The following SETBP1 variants were observed in gnomAD, a reference collection of about 807,000 sequenced individuals.
SETBP1 encodes the protein SET binding protein 1, also known as SET-binding protein.
A neutral mutation model predicts 101.0 loss-of-function variants in SETBP1; 9 were observed. The observed-to-expected ratio is 0.09, with a 90% CI of 0.05 to 0.16. The LOEUF (loss-of-function observed/expected upper bound fraction) is 0.16, where lower values mean the gene tolerates loss of function less well. Among genes scored for constraint, SETBP1 ranks in the 10% least tolerant of loss-of-function variants. The probability of loss-of-function intolerance (pLI) is 1.00; values close to 1 mark genes in which losing one functional copy is unlikely to be tolerated. For missense variants in SETBP1, 1,858 were observed against 2,033.8 expected, an observed-to-expected ratio of 0.91 and a Z score of 1.66; for synonymous variants, 818 against 788.5, an observed-to-expected ratio of 1.04 and a Z score of -0.63.
chr18:44,705,850 C>T (rs1599012448), intron 2 of SETBP1, among the ~76,000 whole-genome samples: 2 of 152,296 alleles, frequency 1.3e-5, no homozygotes, highest in East Asian at 3.9e-4. Context: ...CGTCAGGGAA[C>T]ATCACCACTT....
intron 4 of SETBP1, among the ~76,000 whole-genome samples, chr18:44,984,911 C>T (rs565388799): frequency 1.2e-4 from 18 of 152,244 alleles, no homozygotes; most frequent in East Asian, 3.9e-4. Context: ...GAGGCCAAGG[C>T]GGGCAGATCA....
intron 4 of SETBP1, among the ~76,000 whole-genome samples, chr18:45,014,821 T>C (rs1401724643): frequency 6.6e-6 from 1 of 152,170 alleles, no homozygotes; most frequent in African/African-American, 2.4e-5. Flanking sequence ...AGACTTGTTG[T>C]ATTAAATGAT....
intron 4 of SETBP1, among the ~76,000 whole-genome samples, chr18:44,958,748 G>C (rs1314036416): frequency 6.6e-6 from 1 of 152,170 alleles, no homozygotes; most frequent in Non-Finnish European, 1.5e-5. Flanking sequence ...GTGAGCTGTT[G>C]TAAAAGGTAA....
At chr18:44,803,797 G>A (rs2071664151) in intron 2 of SETBP1, among the ~76,000 whole-genome samples, 1 of 151,644 alleles carries the variant, frequency 6.6e-6, no homozygotes, top group Non-Finnish European at 1.5e-5. Flanking sequence ...TCTAAACAGG[G>A]TATATTCTTT....
rs537756390 is a variant in SETBP1 at position 44,952,010 on chromosome 18, G to A, written c.2670G>A (p.Arg890=). 1.2e-6 allele frequency: 2 copies of A among 1,614,000 alleles called. No individual in the cohort carries two copies. Among genetic ancestry groups the A allele is most frequent in the East Asian group, 2.2e-5 (1 of 44,860 alleles). ...DQAEKSSESR[R]RYSFDFCSLD... ...CGGAGAAGAGCTCAGAATCCCGAAG[G>A]AGGTACTCTTTTGATTTCTGCTCCC... is the stretch of plus-strand genomic sequence containing the variant. The change falls in exon 4 of 6, where the codon AGG becomes AGA. Residue 890 remains arginine, a synonymous_variant. Transcript: ENST00000649279.
chr18:44,886,977 T>C (rs1025233128), intron 3 of SETBP1, among the ~76,000 whole-genome samples: 3 of 152,056 alleles, frequency 2.0e-5, no homozygotes, highest in Admixed American at 1.3e-4. Context: ...GCTGAATGAA[T>C]GAGTGAAGGA....
intron 3 of SETBP1, among the ~76,000 whole-genome samples, chr18:44,948,499 T>TGATAGATAGATGGATA (rs2071261087): frequency 6.7e-6 from 1 of 149,738 alleles, no homozygotes; most frequent in Non-Finnish European, 1.5e-5. Flanking sequence ...CAAAGATAGA[T>TGATAGATAGATGGATA]GATAGATAGA....
intron 2 of SETBP1, among the ~76,000 whole-genome samples, chr18:44,711,270 C>G (rs1406011109): frequency 2.9e-5 from 4 of 138,438 alleles, no homozygotes; most frequent in East Asian, 2.3e-4. Flanking sequence ...TCCCTCTCTC[C>G]CTCCCTCCTG....
At chr18:44,831,211 A>G (rs1251341759) in intron 2 of SETBP1, among the ~76,000 whole-genome samples, 1 of 152,206 alleles carries the variant, frequency 6.6e-6, no homozygotes, top group Non-Finnish European at 1.5e-5. Context: ...TGTAGCATAG[A>G]CAGTGAGCTC....
chr18:44,841,435 C>T (rs1599205852), intron 2 of SETBP1, among the ~76,000 whole-genome samples: 1 of 152,184 alleles, frequency 6.6e-6, no homozygotes, highest in East Asian at 1.9e-4. Flanking sequence ...ACAATCTATT[C>T]ACTAGACATG....
At chr18:44,748,638 C>A (rs1381957931) in intron 2 of SETBP1, among the ~76,000 whole-genome samples, 2 of 151,888 alleles carry the variant, frequency 1.3e-5, no homozygotes, top group Non-Finnish European at 2.9e-5. Flanking sequence ...TGTGCAGGCA[C>A]CATGTGCGTG....
chr18:45,002,263 T>C (rs890297940), intron 4 of SETBP1, among the ~76,000 whole-genome samples: 3 of 151,214 alleles, frequency 2.0e-5, no homozygotes, highest in Non-Finnish European at 4.4e-5. Context: ...GAGTGGAAGA[T>C]GGTGGAGGGC....
At chr18:44,747,295 G>T (rs2070277397) in intron 2 of SETBP1, among the ~76,000 whole-genome samples, 1 of 152,108 alleles carries the variant, frequency 6.6e-6, no homozygotes, top group Non-Finnish European at 1.5e-5. Flanking sequence ...TTTATATTTA[G>T]AACAACTATA....
intron 4 of SETBP1, among the ~76,000 whole-genome samples, chr18:44,955,211 C>G (rs913787424): frequency 6.6e-6 from 1 of 152,210 alleles, no homozygotes; most frequent in Non-Finnish European, 1.5e-5. Flanking sequence ...TGCCCCCACT[C>G]TAGTTATATT....
intron 4 of SETBP1, among the ~76,000 whole-genome samples, chr18:45,010,086 A>T (rs866152344): frequency 6.6e-6 from 1 of 152,128 alleles, no homozygotes; most frequent in Non-Finnish European, 1.5e-5. Context: ...CCTGTGCACC[A>T]TGCCCCTTTA....
At chr18:44,772,128 G>C (rs1457958620) in intron 2 of SETBP1, among the ~76,000 whole-genome samples, 1 of 151,902 alleles carries the variant, frequency 6.6e-6, no homozygotes, top group African/African-American at 2.4e-5. Flanking sequence ...CCCACCTCCT[G>C]TTGTTCCTCA....
At chr18:44,694,372 C>T (rs963289070) in intron 1 of SETBP1, among the ~76,000 whole-genome samples, 8 of 152,172 alleles carry the variant, frequency 5.3e-5, no homozygotes, top group South Asian at 2.1e-4. Flanking sequence ...CCACCACGCC[C>T]GACTAATTTT....
intron 2 of SETBP1, among the ~76,000 whole-genome samples, chr18:44,763,891 C>T (rs796128117): frequency 6.6e-5 from 10 of 152,296 alleles, no homozygotes; most frequent in African/African-American, 1.7e-4. Context: ...ATTGGAGTGC[C>T]TCAGGGCTCA....
At chr18:44,769,610 T>C (rs2070831077) in intron 2 of SETBP1, among the ~76,000 whole-genome samples, 1 of 152,258 alleles carries the variant, frequency 6.6e-6, no homozygotes, top group African/African-American at 2.4e-5. Flanking sequence ...AGTGTGTATT[T>C]CTGTATCTAC....
Sources: allele counts gnomAD v4.1 joint callset (sites outside exome capture counted in the v4.1 genomes callset), GRCh38; gene constraint gnomAD v4.1.1; transcripts MANE v1.5; gene names NCBI Gene and HGNC (gene_info 2026-07-23, HGNC 2026-07-21).